Variants in SLC45A4 observed in about 807,000 individuals in gnomAD.
The protein encoded by SLC45A4 is solute carrier family 45 member 4, also known as polyamine-transporter SLC45A4.
SLC45A4 carries 32 observed loss-of-function variants against 63.7 expected under a neutral mutation model. The observed-to-expected ratio is 0.50, with a 90% confidence interval of 0.38 to 0.67. SLC45A4 has a LOEUF of 0.67. Among genes scored for constraint, SLC45A4 ranks in the 30% least tolerant of loss-of-function variants. The pLI, the probability that SLC45A4 is intolerant of heterozygous loss-of-function variation, is 0.00. For synonymous variants in SLC45A4, 535 were observed against 510.0 expected (o/e 1.05, Z -0.66); for missense variants, 1,027 against 1,157.7 (o/e 0.89, Z 1.64).
chr8:141,247,248 T>C (rs564970204), intron 2 of SLC45A4, among the ~76,000 whole-genome samples: 17 of 95,572 alleles, frequency 1.8e-4, no homozygotes, highest in African/African-American at 4.6e-4. Flanking sequence ...GGTCAATATA[T>C]AAAAATCACT....
intron 1 of SLC45A4, among the ~76,000 whole-genome samples, chr8:141,299,889 C>G (rs942981379): frequency 6.6e-6 from 1 of 152,116 alleles, no homozygotes; most frequent in Admixed American, 6.5e-5. Flanking sequence ...GAGAAGGGAC[C>G]AATGGAGGAT....
At chr8:141,247,314 T>C (rs1828261633) in intron 2 of SLC45A4, among the ~76,000 whole-genome samples, 1 of 152,218 alleles carries the variant, frequency 6.6e-6, no homozygotes, top group African/African-American at 2.4e-5. Context: ...GCAGTGCTAT[T>C]TACAATAACA....
intron 2 of SLC45A4, among the ~76,000 whole-genome samples, chr8:141,248,337 G>A (rs1170794255): frequency 6.6e-6 from 1 of 152,186 alleles, no homozygotes; most frequent in Non-Finnish European, 1.5e-5. Context: ...TGGGACTCAG[G>A]CAGGAGGATC....
chr8:141,243,145 C>A (rs1433590802), intron 2 of SLC45A4, among the ~76,000 whole-genome samples: 1 of 152,200 alleles, frequency 6.6e-6, no homozygotes, highest in African/African-American at 2.4e-5. Context: ...TGACTGTCCT[C>A]CCCACCGGGC....
chr8:141,269,381 A>G (rs1158348568), intron 1 of SLC45A4, among the ~76,000 whole-genome samples: 1 of 152,142 alleles, frequency 6.6e-6, no homozygotes, highest in African/African-American at 2.4e-5. Context: ...CTCTCCTTTC[A>G]ATTAGAGCTT....
intron 1 of SLC45A4, among the ~76,000 whole-genome samples, chr8:141,270,334 C>A (rs1240840743): frequency 6.6e-6 from 1 of 150,598 alleles, no homozygotes; most frequent in East Asian, 2.0e-4. Flanking sequence ...CAAGACCACC[C>A]TGGGCGACAC....
Position 141,218,324 on chromosome 8 carries a change from C to A in SLC45A4, c.1316G>T (p.Arg439Leu), listed in dbSNP as rs148333047. The A allele has an allele frequency of 5.0e-6, 8 of 1,607,410 alleles. No individual in the cohort carries two copies. Among genetic ancestry groups the A allele is most frequent in the Non-Finnish European group, 6.8e-6 (8 of 1,179,860 alleles). Residue 439 changes from arginine (R) to leucine (L), a missense_variant, in exon 5 of 9, where the codon CGC (arginine) becomes CTC (leucine). By Grantham distance (102) the Arg-to-Leu change is moderately radical. Transcript: ENST00000517878. ...YYGKLGSHCY[R>L]YRRANAVVLI... is the part of the protein sequence containing the mutation. ...CACCACGGCGTTGGCGCGCCGGTAG[C>A]GGTAGCAGTGGGACCCAAGCTTGCC... is the stretch of plus-strand genomic sequence containing the variant.
intron 1 of SLC45A4, among the ~76,000 whole-genome samples, chr8:141,301,238 GC>G (rs1328931460): frequency 1.3e-5 from 2 of 152,092 alleles, no homozygotes; most frequent in African/African-American, 4.8e-5. Context: ...CCTTAAACGG[GC>G]CCCACCCCCC....
chr8:141,274,617 C>G (rs1195426407), intron 1 of SLC45A4, among the ~76,000 whole-genome samples: 1 of 151,894 alleles, frequency 6.6e-6, no homozygotes, highest in African/African-American at 2.4e-5. Flanking sequence ...AGATTTATTC[C>G]TACTTTCTAA....
At chr8:141,214,736 T>G (rs1377546639) in intron 7 of SLC45A4, among the ~76,000 whole-genome samples, 1 of 151,976 alleles carries the variant, frequency 6.6e-6, no homozygotes. Context: ...ATAGAGAGAC[T>G]AGCGGAAGAG....
intron 1 of SLC45A4, among the ~76,000 whole-genome samples, chr8:141,258,474 A>G (rs1345374044): frequency 6.6e-6 from 1 of 152,226 alleles, no homozygotes; most frequent in Non-Finnish European, 1.5e-5. Context: ...GAAAAGCCCC[A>G]GGCAACCATC....
chr8:141,217,331 C>T, intron 5 of SLC45A4, 142 bp from the exon 6 acceptor site: 1 of 812,566 alleles, frequency 1.2e-6, no homozygotes. Context: ...GAGAGCCCAG[C>T]CCAAGTCGGT....
Position 141,218,824 on chromosome 8 carries a change from CA to C in SLC45A4, c.815del (p.Leu272ArgfsTer107). The part of the protein sequence containing the change: ...QERSAEEPGA[L>X]DGGEPHGVPA... ...GGACGCCGTGCGGCTCGCCCCCATC[CA>C]GGGCGCCGGGCTCCTCAGCGCTGCG... On this transcript the variant is annotated frameshift_variant, in exon 5 of 9. Coordinates refer to ENST00000517878, the MANE Select transcript of SLC45A4 (RefSeq NM_001286646.2). LOFTEE classifies it high-confidence loss of function. The C allele has an allele frequency of 6.2e-7, 1 of 1,613,090 alleles. No homozygotes were observed. Among genetic ancestry groups the C allele is most frequent in the Non-Finnish European group, 8.5e-7 (1 of 1,179,870 alleles).
chr8:141,215,664 G>A lies in SLC45A4; in HGVS notation c.1941+95C>T. On this transcript the variant is annotated intron_variant, in intron 7 of 8. Transcript: ENST00000517878. This position sits in a 1 kb window ranked among gnomAD's most constrained non-coding sequence, Gnocchi z 4.3. ...GAGGAAGGAGGGCCATCTGTGTCGT[G>A]AACGTCCCCCCGGGGAAGCACAGGG... 7.6e-7 allele frequency: 1 copy of A among 1,319,058 alleles called. No homozygotes were observed. The highest frequency in any genetic ancestry group is 1.5e-5 in the African/African-American group (1 of 68,964). 81.7% of individuals were successfully genotyped at this position (1,319,058 alleles called of 1,614,324 possible).
At chr8:141,285,531 G>A (rs1348022827) in intron 1 of SLC45A4, among the ~76,000 whole-genome samples, 7 of 152,190 alleles carry the variant, frequency 4.6e-5, no homozygotes, top group Non-Finnish European at 7.3e-5. Flanking sequence ...AACCGCACAC[G>A]AGCAGTCAGC....
At chr8:141,283,553 G>A (rs941886299) in intron 1 of SLC45A4, among the ~76,000 whole-genome samples, 3 of 152,342 alleles carry the variant, frequency 2.0e-5, no homozygotes, top group East Asian at 1.9e-4. Flanking sequence ...TGTCACCCCC[G>A]CCTACGCTTT....
intron 2 of SLC45A4, among the ~76,000 whole-genome samples, chr8:141,234,839 C>T (rs1289780105): frequency 6.6e-6 from 1 of 152,214 alleles, no homozygotes; most frequent in Admixed American, 6.5e-5. Context: ...CACAGCCAGG[C>T]TCCAGCAGGA....
intron 1 of SLC45A4, among the ~76,000 whole-genome samples, chr8:141,288,881 T>C (rs945426716): frequency 7.9e-5 from 12 of 152,216 alleles, no homozygotes; most frequent in Admixed American, 5.9e-4. Flanking sequence ...CCCGTCCAAA[T>C]GCAGATGGCC....
rs11777712 is a variant in SLC45A4, at chr8:141,303,304, G to T, written c.-401+4792C>A. Among the ~76,000 whole-genome samples, 447 of 124,586 alleles carry T rather than the reference G, an allele frequency of 3.6e-3. 3 individuals carry two copies. The highest frequency in any genetic ancestry group is 4.7e-3 in the South Asian group (18 of 3,842). The allele number at this position is 124,586 out of a possible 152,430, so 81.7% of individuals were successfully genotyped here. A position where few individuals can be genotyped will look rare whatever the true frequency, so the allele number is the denominator to read the frequency against. On this transcript the variant is annotated intron_variant, in intron 1 of 8. Coordinates refer to ENST00000517878, the MANE Select transcript of SLC45A4 (RefSeq NM_001286646.2). ...GTGCCATCGTGCCCGGCTAATTTTT[G>T]TTTTTTTTTTTTTTTTGGACAGGTG...
Sources: allele counts gnomAD v4.1 joint callset (sites outside exome capture counted in the v4.1 genomes callset), GRCh38; gene constraint gnomAD v4.1.1; non-coding constraint Gnocchi (gnomAD v3.1); transcripts MANE v1.5; gene names NCBI Gene and HGNC (gene_info 2026-07-23, HGNC 2026-07-21).